MBNL2: variants seen among roughly 807,000 people sequenced by gnomAD.
MBNL2 encodes muscleblind like splicing regulator 2, also known as muscleblind-like protein 2.
A neutral mutation model predicts 41.9 loss-of-function variants in MBNL2; 17 were observed. The observed-to-expected ratio is 0.41, with a 90% confidence interval of 0.28 to 0.61. The LOEUF (loss-of-function observed/expected upper bound fraction) is 0.61, where lower values mean the gene tolerates loss of function less well. MBNL2 is among the 20% of genes least tolerant of loss of function. The pLI, the probability that MBNL2 is intolerant of heterozygous loss-of-function variation, is 0.35. For synonymous variants in MBNL2, 195 were observed against 182.9 expected (o/e 1.07, Z -0.53); for missense variants, 336 against 505.6 (o/e 0.66, Z 3.22).
intron 8 of MBNL2, among the ~76,000 whole-genome samples, chr13:97,381,702 A>C (rs974511903): frequency 3.3e-5 from 5 of 151,286 alleles, no homozygotes; most frequent in African/African-American, 9.7e-5. Flanking sequence ...TTTATTTTTC[A>C]CTCCTGAGTT....
At chr13:97,146,351 A>G in the MBNL2 span, among the ~76,000 whole-genome samples, 4 of 152,154 alleles carry the variant, frequency 2.6e-5, no homozygotes, top group Admixed American at 6.5e-5. Flanking sequence ...GTCTATTGTG[A>G]ACAAAAACCC....
At chr13:97,357,709 G>A in intron 7 of MBNL2, 74 bp downstream of exon 7, 1 of 1,448,678 alleles carries the variant, frequency 6.9e-7, no homozygotes, top group Non-Finnish European at 9.7e-7. Context: ...TAAGCTGTTT[G>A]GTGGCATCTA....
At chr13:97,301,033 A>G (rs1279843696) in intron 2 of MBNL2, among the ~76,000 whole-genome samples, 2 of 152,232 alleles carry the variant, frequency 1.3e-5, no homozygotes, top group Non-Finnish European at 2.9e-5. Context: ...TAACAAGGGC[A>G]GTTGATGTGC....
chr13:97,246,533 G>A (rs1254645910), intron 1 of MBNL2, among the ~76,000 whole-genome samples: 1 of 152,186 alleles, frequency 6.6e-6, no homozygotes, highest in African/African-American at 2.4e-5. Flanking sequence ...TTTTATATGT[G>A]TGTAAATTGA....
intron 1 of MBNL2, among the ~76,000 whole-genome samples, chr13:97,223,467 C>T (rs2041110414): frequency 6.6e-6 from 1 of 152,174 alleles, no homozygotes; most frequent in Admixed American, 6.5e-5. Context: ...GGAAACTGTG[C>T]TTTTTTGTTA....
At chr13:97,230,360 G>C (rs996179011) in intron 1 of MBNL2, among the ~76,000 whole-genome samples, 2 of 152,174 alleles carry the variant, frequency 1.3e-5, no homozygotes, top group Non-Finnish European at 2.9e-5. Context: ...AAGGAGGGTG[G>C]GCGATGATGA....
chr13:97,241,983 T>G (rs774278947), intron 1 of MBNL2, among the ~76,000 whole-genome samples: 1 of 152,112 alleles, frequency 6.6e-6, no homozygotes, highest in South Asian at 2.1e-4. Flanking sequence ...TGTGCACACA[T>G]GGGGTTCCTC....
At chr13:97,275,476 C>CT (rs1181830986) in intron 1 of MBNL2, among the ~76,000 whole-genome samples, 156 bp from the exon 2 acceptor site, 2 of 152,142 alleles carry the variant, frequency 1.3e-5, no homozygotes, top group Admixed American at 6.5e-5. Flanking sequence ...GTTGCATATT[C>CT]TTTTTTTTAT....
chr13:97,294,447 G>A (rs1264856074), intron 2 of MBNL2, among the ~76,000 whole-genome samples: 3 of 152,226 alleles, frequency 2.0e-5, no homozygotes, highest in African/African-American at 7.2e-5. Flanking sequence ...AGTGTTAGCT[G>A]CAAGAACAAC....
At chr13:97,231,684 C>G (rs1194512272) in intron 1 of MBNL2, among the ~76,000 whole-genome samples, 1 of 152,204 alleles carries the variant, frequency 6.6e-6, no homozygotes, top group African/African-American at 2.4e-5. Flanking sequence ...CTCTGGCTAT[C>G]TCCCCATTCC....
intron 2 of MBNL2, among the ~76,000 whole-genome samples, chr13:97,317,655 G>A (rs984714269): frequency 2.0e-5 from 3 of 152,200 alleles, no homozygotes; most frequent in Admixed American, 2.0e-4. Flanking sequence ...AGTCCCAGAG[G>A]CTGTTAGTGG....
At chr13:97,257,708 C>G (rs1463697830) in intron 1 of MBNL2, among the ~76,000 whole-genome samples, 1 of 152,348 alleles carries the variant, frequency 6.6e-6, no homozygotes, top group African/African-American at 2.4e-5. Flanking sequence ...GCCCAGGGAG[C>G]TCCATGTAAA....
At chr13:97,230,256 C>T (rs748801487) in intron 1 of MBNL2, among the ~76,000 whole-genome samples, 13 of 152,134 alleles carry the variant, frequency 8.5e-5, no homozygotes, top group Non-Finnish European at 1.9e-4. Flanking sequence ...TGAGGTCACG[C>T]CATTGCAGAA....
chr13:97,274,544 CTTAT>C (rs1232186687), intron 1 of MBNL2, among the ~76,000 whole-genome samples: 6 of 152,026 alleles, frequency 3.9e-5, no homozygotes, highest in Admixed American at 3.3e-4. Flanking sequence ...GCTCTCTGAA[CTTAT>C]TTGTTACCTG....
intron 2 of MBNL2, among the ~76,000 whole-genome samples, chr13:97,285,061 C>T (rs994140343): frequency 6.6e-6 from 1 of 152,080 alleles, no homozygotes; most frequent in African/African-American, 2.4e-5. Flanking sequence ...GTGTAATATT[C>T]TATTCTTTCT....
chr13:97,317,076 G>A (rs897612810), intron 2 of MBNL2, among the ~76,000 whole-genome samples: 6 of 152,322 alleles, frequency 3.9e-5, no homozygotes, highest in Middle Eastern at 3.4e-3. Context: ...GACAATGCCA[G>A]TGGGAACGGA....
chr13:97,256,139 A>T (rs1445838121), intron 1 of MBNL2, among the ~76,000 whole-genome samples: 1 of 152,230 alleles, frequency 6.6e-6, no homozygotes, highest in African/African-American at 2.4e-5. Flanking sequence ...TGCAAGGCTG[A>T]CAGAACAGTT....
chr13:97,301,319 A>G (rs1241623340), intron 2 of MBNL2, among the ~76,000 whole-genome samples: 1 of 152,176 alleles, frequency 6.6e-6, no homozygotes, highest in Non-Finnish European at 1.5e-5. Flanking sequence ...AGAGAGAGAA[A>G]ATGAAGCAGA....
At chr13:97,181,561 T>A in the MBNL2 span, among the ~76,000 whole-genome samples, 1 of 152,192 alleles carries the variant, frequency 6.6e-6, no homozygotes, top group African/African-American at 2.4e-5. Flanking sequence ...GTTTTGCTCC[T>A]AAAAAATTCT....
Sources: allele counts gnomAD v4.1 joint callset (sites outside exome capture counted in the v4.1 genomes callset), GRCh38; gene constraint gnomAD v4.1.1; transcripts MANE v1.5; gene names NCBI Gene and HGNC (gene_info 2026-07-23, HGNC 2026-07-21).